Variants in EXT1 observed in about 807,000 individuals in gnomAD.
The protein encoded by EXT1 is exostosin glycosyltransferase 1.
In EXT1, 20 loss-of-function variants were observed where a neutral mutation model predicts 82.5. The observed-to-expected ratio is 0.24, with a 90% CI of 0.17 to 0.35. The LOEUF (loss-of-function observed/expected upper bound fraction) is 0.35, where lower values mean the gene tolerates loss of function less well. EXT1 is among the 10% of genes least tolerant of loss of function. EXT1 has a pLI of 1.00. For missense variants in EXT1, 757 were observed against 936.5 expected (o/e 0.81, Z 2.50); for synonymous variants, 348 against 350.8 (o/e 0.99, Z 0.09).
At chr8:118,037,960 C>G (rs1816456847) in intron 1 of EXT1, among the ~76,000 whole-genome samples, 1 of 151,422 alleles carries the variant, frequency 6.6e-6, no homozygotes, top group African/African-American at 2.4e-5. Flanking sequence ...CCTGCCTCAG[C>G]CTCCCAAGTA....
intron 1 of EXT1, among the ~76,000 whole-genome samples, chr8:117,848,560 T>C (rs1812403096): frequency 6.6e-6 from 1 of 152,124 alleles, no homozygotes; most frequent in African/African-American, 2.4e-5. Flanking sequence ...AAAGGATGCC[T>C]TCATGCCCTG....
chr8:117,906,159 T>A (rs1813540716), intron 1 of EXT1, among the ~76,000 whole-genome samples: 1 of 152,236 alleles, frequency 6.6e-6, no homozygotes, highest in Admixed American at 6.5e-5. Context: ...TTCCTCACCA[T>A]TCAAGGTCTT....
rs772636953 is a variant in EXT1, at chr8:117,818,456, G to A, written c.1611C>T (p.Val537=). Residue 537 remains valine, a synonymous_variant, in exon 7 of 11, where the codon GTC becomes GTT. Coordinates refer to ENST00000378204, the MANE Select transcript of EXT1 (RefSeq NM_000127.3). ...TTACCTTGCTCTCTCCTTCAATGAC[G>A]ACGACAGGCACAGCAGTGGCAGGCC... is the stretch of plus-strand genomic sequence containing the variant. ...HRWPATAVPV[V]VIEGESKVMS... is the part of the protein sequence containing the mutation. 19 of 1,613,960 alleles carry A rather than the reference G, an allele frequency of 1.2e-5. No individual in the cohort carries two copies. Among genetic ancestry groups the A allele is most frequent in the East Asian group, 2.2e-5 (1 of 44,892 alleles).
At chr8:117,828,300 C>T (rs1812040769) in intron 4 of EXT1, among the ~76,000 whole-genome samples, 1 of 151,918 alleles carries the variant, frequency 6.6e-6, no homozygotes, top group African/African-American at 2.4e-5. Context: ...CCTTTAATCC[C>T]ACCAATTTGG....
intron 1 of EXT1, among the ~76,000 whole-genome samples, chr8:117,991,863 C>T (rs1281756551): frequency 6.6e-6 from 1 of 152,172 alleles, no homozygotes; most frequent in African/African-American, 2.4e-5. Context: ...CACCTAGCCT[C>T]CAAATATCTT....
At chr8:117,944,332 G>A (rs1447166828) in intron 1 of EXT1, among the ~76,000 whole-genome samples, 3 of 152,182 alleles carry the variant, frequency 2.0e-5, no homozygotes, top group Admixed American at 6.5e-5. Flanking sequence ...TCCGGGAGGC[G>A]GAGGTTGCAG....
intron 1 of EXT1, among the ~76,000 whole-genome samples, chr8:117,840,176 T>G (rs1488357368): frequency 6.6e-6 from 1 of 152,192 alleles, no homozygotes. Context: ...CATGAGAGTC[T>G]GTGGCATCTG....
intron 1 of EXT1, among the ~76,000 whole-genome samples, chr8:117,872,815 T>G (rs187670779): frequency 5.8e-4 from 83 of 143,752 alleles, no homozygotes; most frequent in Admixed American, 2.3e-3. Context: ...AAGCGAATAC[T>G]GAAGCAGAGA....
intron 1 of EXT1, among the ~76,000 whole-genome samples, chr8:118,066,777 C>A (rs963256133): frequency 6.6e-6 from 1 of 152,112 alleles, no homozygotes; most frequent in Non-Finnish European, 1.5e-5. Context: ...TTCATTGTTA[C>A]GTTTTCAGGG....
chr8:117,912,201 G>A (rs1256082166), intron 1 of EXT1, among the ~76,000 whole-genome samples: 2 of 152,188 alleles, frequency 1.3e-5, no homozygotes, highest in African/African-American at 2.4e-5. Flanking sequence ...CCTTGCAAAT[G>A]GTTCTGTCCT....
chr8:118,025,408 C>T (rs73325941), intron 1 of EXT1, among the ~76,000 whole-genome samples: 4,039 of 152,164 alleles, frequency 0.027, 156 homozygotes, highest in African/African-American at 0.085. Context: ...CAAAACAAAC[C>T]GCACTAGGTC....
chr8:118,007,585 C>T lies in EXT1; in HGVS notation c.962+102500G>A, dbSNP rs141420358. On this transcript the variant is annotated intron_variant, in intron 1 of 10. Transcript: ENST00000378204. ...CACATTTACCTAGGTAACAAACCTG[C>T]GTGTTCCACACATGCATCCAGGAAC... Among the ~76,000 whole-genome samples the T allele has an allele frequency of 1.0e-3, 155 of 152,318 alleles. 1 individual carries two copies. The highest frequency in any genetic ancestry group is 4.1e-3 in the Admixed American group (63 of 15,306).
intron 1 of EXT1, among the ~76,000 whole-genome samples, chr8:118,070,006 T>C (rs549161129): frequency 1.1e-4 from 17 of 152,328 alleles, no homozygotes; most frequent in Admixed American, 9.8e-4. Context: ...AAAAGGTGAT[T>C]ATTTTTATAT....
rs2129701650 is a variant in EXT1, at chr8:117,807,322, G to A, written c.1778C>T (p.Pro593Leu). 1 of 1,614,148 alleles carries A rather than the reference G, an allele frequency of 6.2e-7. No homozygotes were observed. The highest frequency in any genetic ancestry group is 8.5e-7 in the Non-Finnish European group (1 of 1,180,032). The change falls in exon 9 of 11, where the codon CCC (proline) becomes CTC (leucine). Residue 593 changes from proline to leucine, a missense_variant. Transcript: ENST00000378204. ...GTTATCCCAGAAGTGGCTGCGCGCG[G>A]GGTACCCCACAATCCTCTCAGGGAA... The part of the protein sequence containing the change: ...QSFPERIVGY[P>L]ARSHFWDNSK...
chr8:117,834,723 C>A (rs1363582752), intron 3 of EXT1, among the ~76,000 whole-genome samples: 1 of 151,936 alleles, frequency 6.6e-6, no homozygotes, highest in African/African-American at 2.4e-5. Flanking sequence ...TGTGGTAATT[C>A]AAAGATAAAG....
At chr8:117,979,979 A>G (rs943871208) in intron 1 of EXT1, among the ~76,000 whole-genome samples, 1 of 152,226 alleles carries the variant, frequency 6.6e-6, no homozygotes, top group African/African-American at 2.4e-5. Flanking sequence ...GGAGTCATTA[A>G]TGTGACCATG....
chr8:118,086,176 A>T (rs780193563), intron 1 of EXT1, among the ~76,000 whole-genome samples: 19 of 152,244 alleles, frequency 1.2e-4, no homozygotes, highest in Non-Finnish European at 1.5e-4. Context: ...GAATATAAGC[A>T]AGTCTTGTGT....
chr8:118,033,477 A>G (rs181595898), intron 1 of EXT1, among the ~76,000 whole-genome samples: 10 of 152,302 alleles, frequency 6.6e-5, no homozygotes, highest in Non-Finnish European at 1.3e-4. Flanking sequence ...TTTCTTATTC[A>G]TTCATGCATT....
At chr8:118,028,270 A>G (rs1449615764) in intron 1 of EXT1, among the ~76,000 whole-genome samples, 1 of 152,252 alleles carries the variant, frequency 6.6e-6, no homozygotes, top group Non-Finnish European at 1.5e-5. Context: ...GGGAAAGGGC[A>G]AGGACGCATC....
Sources: allele counts gnomAD v4.1 joint callset (sites outside exome capture counted in the v4.1 genomes callset), GRCh38; gene constraint gnomAD v4.1.1; transcripts MANE v1.5; gene names NCBI Gene and HGNC (gene_info 2026-07-23, HGNC 2026-07-21).